The following TRA2B variants were observed in gnomAD, a reference collection of about 807,000 sequenced individuals.
TRA2B encodes transformer 2 beta homolog, also known as transformer-2 protein homolog beta.
In TRA2B, 14 loss-of-function variants were observed where a neutral mutation model predicts 41.7. That is an observed-to-expected ratio of 0.34 (90% confidence interval 0.22 to 0.53). TRA2B has a LOEUF of 0.53. Among genes scored for constraint, TRA2B ranks in the 20% least tolerant of loss-of-function variants. The pLI, the probability that TRA2B is intolerant of heterozygous loss-of-function variation, is 0.95. For missense variants in TRA2B, 167 were observed against 396.8 expected (o/e 0.42, Z 4.92); for synonymous variants, 130 against 128.8 (o/e 1.01, Z -0.06).
At chr3:185,934,710 G>C (rs1328036749) in intron 1 of TRA2B, 1 of 985,056 alleles carries the variant, frequency 1.0e-6, no homozygotes, top group South Asian at 4.7e-5. Flanking sequence ...GAGTTTAGGA[G>C]CTAAAACCAA....
rs1459085468 is a variant in TRA2B, at chr3:185,917,336, A to C, written c.*379T>G. 1.5e-5 allele frequency: 3 copies of C among 205,998 alleles called. No homozygotes were observed. The highest frequency in any genetic ancestry group is 2.3e-5 in the African/African-American group (1 of 43,402). 12.8% of individuals were successfully genotyped at this position (205,998 alleles called of 1,614,324 possible). A position where few individuals can be genotyped will look rare whatever the true frequency, so the allele number is the denominator to read the frequency against. On this transcript the variant is annotated 3_prime_UTR_variant, in exon 9 of 9. Coordinates refer to ENST00000453386, the MANE Select transcript of TRA2B (RefSeq NM_004593.3). ...TATGTTAGAAAGAAAAGTAAAAATC[A>C]AACTGTTTATTGTTGCTTTTTGCCA...
chr3:185,921,045 G>A (rs764367875), intron 6 of TRA2B, 59 bp downstream of exon 6: 3 of 1,461,036 alleles, frequency 2.1e-6, no homozygotes, highest in Non-Finnish European at 2.9e-6. Context: ...CTTAAGCATA[G>A]TGCTGCTCTG....
rs142204632 is a variant in TRA2B, at chr3:185,916,285, T to A, written c.*1430A>T. On this transcript the variant is annotated 3_prime_UTR_variant, in exon 9 of 9. Coordinates refer to ENST00000453386, the MANE Select transcript of TRA2B (RefSeq NM_004593.3). Reference sequence around the variant, plus strand: ...TAAGATCACCTAGGTTCAATTCAGATCGTGGCATTGCCACTTAAACAGCTA... The same window carrying A: ...TAAGATCACCTAGGTTCAATTCAGAACGTGGCATTGCCACTTAAACAGCTA... 1 of 152,360 alleles carries A rather than the reference T, an allele frequency of 6.6e-6. No individual in the cohort carries two copies. The highest frequency in any genetic ancestry group is 1.5e-5 in the Non-Finnish European group (1 of 68,038). 9.4% of individuals were successfully genotyped at this position (152,360 alleles called of 1,614,324 possible).
At chr3:185,934,099 T>C (rs114249219) in intron 1 of TRA2B, among the ~76,000 whole-genome samples, 1 of 152,138 alleles carries the variant, frequency 6.6e-6, no homozygotes, top group Non-Finnish European at 1.5e-5. Flanking sequence ...GATTTCAATA[T>C]CTAATTCTAC....
rs540476847 is a variant in TRA2B at position 185,930,344 on chromosome 3, A to C, written c.37-3610T>G. ...ACATAAAATAACATTTATCATCATT[A>C]GTTTATCTATGGCAAGAAATTTGAC... is the stretch of plus-strand genomic sequence containing the variant. On this transcript the variant is annotated intron_variant, in intron 1 of 8. Coordinates refer to ENST00000453386, the MANE Select transcript of TRA2B (RefSeq NM_004593.3). Among the ~76,000 whole-genome samples the C allele has an allele frequency of 5.7e-4, 87 of 152,248 alleles. 1 individual carries two copies. The highest frequency in any genetic ancestry group is 2.1e-3 in the African/African-American group (86 of 41,528).
intron 5 of TRA2B, among the ~76,000 whole-genome samples, chr3:185,921,608 C>T (rs986723200): frequency 6.6e-6 from 1 of 151,960 alleles, no homozygotes; most frequent in African/African-American, 2.4e-5. Context: ...ACTAAAAATG[C>T]AAAAAATTAG....
At chr3:185,932,156 CTTA>C (rs1001810203) in intron 1 of TRA2B, among the ~76,000 whole-genome samples, 47 of 152,082 alleles carry the variant, frequency 3.1e-4, no homozygotes, top group Admixed American at 2.5e-3. Context: ...TTTCACACTT[CTTA>C]TTATATTCAA....
chr3:185,918,967 C>CT (rs930505083), intron 7 of TRA2B, among the ~76,000 whole-genome samples: 8 of 152,134 alleles, frequency 5.3e-5, no homozygotes, highest in African/African-American at 1.2e-4. Flanking sequence ...GAGCAACACT[C>CT]TGTCTCCAAA....
intron 1 of TRA2B, chr3:185,936,111 C>T: frequency 1.0e-6 from 1 of 985,398 alleles, no homozygotes; most frequent in Non-Finnish European, 1.2e-6. Flanking sequence ...CATTCTCAAG[C>T]ATTCTTCACG....
chr3:185,924,620 C>T (rs1012387933), intron 3 of TRA2B: 1 of 152,558 alleles, frequency 6.6e-6, no homozygotes, highest in African/African-American at 2.4e-5. Context: ...TGAGACTAGC[C>T]TGGGCAACAC....
At position 185,926,623 on chromosome 3, in the gene TRA2B, A is replaced by G; in HGVS notation, c.148T>C (p.Ser50Pro). 1 of 1,614,126 alleles carries G rather than the reference A, an allele frequency of 6.2e-7. No homozygotes were observed. The highest frequency in any genetic ancestry group is 8.5e-7 in the Non-Finnish European group (1 of 1,180,008). Residue 50 changes from serine (S) to proline (P), a missense_variant, in exon 2 of 9, where the codon TCC becomes CCC. Physicochemically the swap from Ser to Pro is moderately conservative, Grantham distance 74. Transcript: ENST00000453386. ...KEDSRRSRSK[S>P]RSRSESRSRS... is the part of the protein sequence containing the mutation. ...TACCTAGATTCAGATCGGGACCTGG[A>G]CTTTGATCTGGAACGCCTGGAATCT... is the stretch of plus-strand genomic sequence containing the variant.
Position 185,915,539 on chromosome 3 carries a change from CTT to C in TRA2B, c.*2174_*2175del, listed in dbSNP as rs1239810520. Among the ~76,000 whole-genome samples the C allele has an allele frequency of 6.6e-6, 1 of 152,220 alleles. No individual in the cohort carries two copies. The highest frequency in any genetic ancestry group is 1.9e-4 in the East Asian group (1 of 5,202). On this transcript the variant is annotated 3_prime_UTR_variant, in exon 9 of 9. Coordinates refer to ENST00000453386, the MANE Select transcript of TRA2B (RefSeq NM_004593.3). ...ATTACAGCACATCAAAAGACTACCA[CTT>C]TGTCTCACTACTTCTCAGTCTATCT...
In TRA2B at chr3:185,937,962, G is replaced by C. The variant is rs116501834; in HGVS notation, c.-102C>G. ...CGCCGCAGCCCCGCACGACGCGCCG[G>C]TCGCCCAGCCGCTCAGAGCCGAAAT... On this transcript the variant is annotated 5_prime_UTR_variant, in exon 1 of 9. Transcript: ENST00000453386. 1.4e-6 allele frequency: 2 copies of C among 1,448,536 alleles called. No homozygotes were observed. The highest frequency in any genetic ancestry group is 1.2e-5 in the South Asian group (1 of 85,662). The allele number at this position is 1,448,536 out of a possible 1,614,324, so 89.7% of individuals were successfully genotyped here. A position where few individuals can be genotyped will look rare whatever the true frequency, so the allele number is the denominator to read the frequency against.
At position 185,934,403 on chromosome 3, in the gene TRA2B, C is replaced by T. The variant is rs191235354; in HGVS notation, c.36+3422G>A. 2.8e-3 allele frequency: 2,759 copies of T among 985,414 alleles called. 9 individuals are homozygous for T. Among genetic ancestry groups the T allele is most frequent in the Middle Eastern group, 0.013 (24 of 1,916 alleles). The allele number at this position is 985,414 out of a possible 1,614,324, so 61.0% of individuals were successfully genotyped here. ...CCCACCACCTGAATTCCTTTTCAAC[C>T]TTTTGGCAAAACCAGTAGTACTTAC... On this transcript the variant is annotated intron_variant, in intron 1 of 8. Coordinates refer to ENST00000453386, the MANE Select transcript of TRA2B (RefSeq NM_004593.3).
chr3:185,925,707 A>G (rs1274310147), intron 2 of TRA2B, 81 bp from the exon 3 acceptor site: 4 of 1,396,244 alleles, frequency 2.9e-6, no homozygotes, highest in Non-Finnish European at 3.8e-6. Context: ...GTTAAACTCC[A>G]AAAGAGGGAA....
Position 185,918,351 on chromosome 3 carries a change from A to C in TRA2B, c.856+14T>G, listed in dbSNP as rs1275127041. 6.9e-6 allele frequency: 11 copies of C among 1,593,044 alleles called. No homozygotes were observed. Among genetic ancestry groups the C allele is most frequent in the African/African-American group, 2.7e-5 (2 of 74,486 alleles). On this transcript the variant is annotated intron_variant, in intron 8 of 8. Transcript: ENST00000453386. ...TACTACAATATAAACAATCATATTA[A>C]GATAAAAACTTACGAGGTGAGTATG...
intron 3 of TRA2B, chr3:185,924,282 C>T (rs1234717673): frequency 4.0e-6 from 1 of 249,356 alleles, no homozygotes; most frequent in Non-Finnish European, 7.6e-6. Flanking sequence ...AAGAAAAATT[C>T]ACATATTCAT....
rs772412736 is a variant in TRA2B, at chr3:185,931,741, ATTCT to A, written c.37-5011_37-5008del. 5.2e-5 allele frequency: 76 copies of A among 1,469,084 alleles called. 1 individual carries two copies. Among genetic ancestry groups the A allele is most frequent in the South Asian group, 4.1e-4 (30 of 72,618 alleles). 91.0% of individuals were successfully genotyped at this position (1,469,084 alleles called of 1,614,324 possible). On this transcript the variant is annotated intron_variant, in intron 1 of 8. Transcript: ENST00000453386. ...ACTTCTGGTCTGATAATTAGCATGC[ATTCT>A]TTCTTTTATTTTTTCAAATTTCAGC...
chr3:185,937,167 A>C, intron 1 of TRA2B: 1 of 985,550 alleles, frequency 1.0e-6, no homozygotes, highest in East Asian at 1.1e-4. Flanking sequence ...ATTTAGGCCA[A>C]ACACAAAGCC....
Sources: allele counts gnomAD v4.1 joint callset (sites outside exome capture counted in the v4.1 genomes callset), GRCh38; gene constraint gnomAD v4.1.1; transcripts MANE v1.5; gene names NCBI Gene and HGNC (gene_info 2026-07-23, HGNC 2026-07-21).